DLGAP2: variants seen among roughly 807,000 people sequenced by gnomAD.
The protein encoded by DLGAP2 is DLG associated protein 2.
In DLGAP2, 26 loss-of-function variants were observed where a neutral mutation model predicts 100.3. The ratio of observed to expected loss-of-function variants is 0.26; its 90% CI spans 0.19 to 0.36. DLGAP2 has a LOEUF of 0.36. Ranked by LOEUF, DLGAP2 falls within the 10% of genes least tolerant of loss-of-function variation. The pLI is 1.00. For synonymous variants in DLGAP2, 886 were observed against 630.1 expected (o/e 1.41, Z -6.08); for missense variants, 1,858 against 1,453.2 (o/e 1.28, Z -4.53).
intron 2 of DLGAP2, among the ~76,000 whole-genome samples, chr8:1,223,536 C>T (rs1585166147): frequency 1.3e-5 from 2 of 152,316 alleles, no homozygotes; most frequent in East Asian, 3.9e-4. Context: ...AGAAGGGCTG[C>T]TTGAAAGAAT....
At chr8:1,091,650 A>G (rs1175915904) in intron 2 of DLGAP2, among the ~76,000 whole-genome samples, 1 of 152,150 alleles carries the variant, frequency 6.6e-6, no homozygotes, top group Non-Finnish European at 1.5e-5. Flanking sequence ...GACCTGCATC[A>G]TGATGCCGGA....
chr8:1,600,281 C>G (rs1167524113), intron 6 of DLGAP2, among the ~76,000 whole-genome samples: 2 of 152,090 alleles, frequency 1.3e-5, no homozygotes, highest in Non-Finnish European at 2.9e-5. Flanking sequence ...GTAACCTGAC[C>G]TTTCTCTCTG....
At chr8:1,163,595 C>T (rs554278348) in intron 2 of DLGAP2, among the ~76,000 whole-genome samples, 4 of 152,342 alleles carry the variant, frequency 2.6e-5, no homozygotes, top group East Asian at 3.9e-4. Flanking sequence ...GCCAAGAACG[C>T]GGTTGTGTAA....
chr8:1,120,251 G>A (rs1167072619), intron 2 of DLGAP2, among the ~76,000 whole-genome samples: 1 of 152,134 alleles, frequency 6.6e-6, no homozygotes. Context: ...CAGACACGGA[G>A]GGGTCAAGCA....
At chr8:811,577 A>C (rs1563044198) in intron 1 of DLGAP2, among the ~76,000 whole-genome samples, 1 of 147,826 alleles carries the variant, frequency 6.8e-6, no homozygotes, top group Non-Finnish European at 1.5e-5. Context: ...GGGCCCTGCC[A>C]GGGCTCCTGC....
chr8:1,532,063 C>G (rs1338569403), intron 4 of DLGAP2, among the ~76,000 whole-genome samples: 2 of 152,178 alleles, frequency 1.3e-5, no homozygotes, highest in African/African-American at 4.8e-5. Flanking sequence ...TGGTTGCATT[C>G]TTTTGAGTTT....
chr8:904,915 G>A (rs1334490551), intron 1 of DLGAP2, among the ~76,000 whole-genome samples: 1 of 152,338 alleles, frequency 6.6e-6, no homozygotes, highest in South Asian at 2.1e-4. Context: ...CAGAGAGGAA[G>A]AAATAAACCT....
At chr8:1,353,491 T>C (rs1169653705) in intron 3 of DLGAP2, among the ~76,000 whole-genome samples, 1 of 152,228 alleles carries the variant, frequency 6.6e-6, no homozygotes, top group African/African-American at 2.4e-5. Context: ...CAGGCTCATC[T>C]AAGTGTTCTG....
intron 3 of DLGAP2, among the ~76,000 whole-genome samples, chr8:1,327,856 A>T (rs1430920862): frequency 1.3e-5 from 2 of 152,110 alleles, no homozygotes; most frequent in Non-Finnish European, 1.5e-5. Flanking sequence ...AAAAATAAAT[A>T]AATAAAATGA....
At chr8:878,619 G>T (rs1797727399) in intron 1 of DLGAP2, among the ~76,000 whole-genome samples, 1 of 152,154 alleles carries the variant, frequency 6.6e-6, no homozygotes. Context: ...GGTCCCCAGT[G>T]TAATGGTGTT....
At chr8:1,184,942 A>G (rs1797467314) in intron 2 of DLGAP2, among the ~76,000 whole-genome samples, 1 of 152,164 alleles carries the variant, frequency 6.6e-6, no homozygotes, top group African/African-American at 2.4e-5. Context: ...GGTGCAGAAG[A>G]GGCAGATTTC....
At chr8:1,229,086 C>G (rs1197843683) in intron 2 of DLGAP2, among the ~76,000 whole-genome samples, 1 of 152,044 alleles carries the variant, frequency 6.6e-6, no homozygotes, top group Non-Finnish European at 1.5e-5. Context: ...TTGTAGGATA[C>G]AAAATCAGCA....
chr8:1,375,408 C>G (rs1585313439), intron 3 of DLGAP2, among the ~76,000 whole-genome samples: 1 of 62,026 alleles, frequency 1.6e-5, no homozygotes, highest in Non-Finnish European at 3.0e-5. Context: ...CACCTCTCCA[C>G]GACCTCAGAA....
At chr8:748,950 T>C (rs1820720633) in intron 1 of DLGAP2, among the ~76,000 whole-genome samples, 2 of 152,276 alleles carry the variant, frequency 1.3e-5, no homozygotes, top group South Asian at 2.1e-4. Context: ...TTGCTCTCTC[T>C]GTATCTGGTG....
In DLGAP2 at chr8:1,521,168, G is replaced by C. The variant is rs943168903; in HGVS notation, c.172+19737G>C. Reference sequence around the variant, plus strand: ...GAATACTTGGGCGGCAGGTGATATGGGGCATCTGGTTTGCACACTTGTTTT... The same window carrying C: ...GAATACTTGGGCGGCAGGTGATATGCGGCATCTGGTTTGCACACTTGTTTT... On this transcript the variant is annotated intron_variant, in intron 4 of 14. Coordinates refer to ENST00000637795, the MANE Select transcript of DLGAP2 (RefSeq NM_001346810.2). 1.3e-4 allele frequency among the ~76,000 whole-genome samples: 19 copies of C among 145,564 alleles called. 1 individual carries two copies. The highest frequency in any genetic ancestry group is 3.9e-4 in the African/African-American group (15 of 38,838).
chr8:1,173,852 G>A (rs184448936), intron 2 of DLGAP2, among the ~76,000 whole-genome samples: 59 of 152,330 alleles, frequency 3.9e-4, no homozygotes, highest in South Asian at 2.1e-3. Flanking sequence ...GCAATGCGTC[G>A]CCCTGCTTCG....
At chr8:980,276 C>T (rs1208866256) in intron 2 of DLGAP2, among the ~76,000 whole-genome samples, 2 of 152,130 alleles carry the variant, frequency 1.3e-5, no homozygotes. Context: ...GCAGGGCCCA[C>T]CGTGTGGAAT....
At chr8:1,537,874 A>G (rs907216255) in intron 4 of DLGAP2, among the ~76,000 whole-genome samples, 2 of 152,252 alleles carry the variant, frequency 1.3e-5, no homozygotes, top group African/African-American at 2.4e-5. Context: ...AGCTAAATTT[A>G]GGTGGGAGAG....
At chr8:1,223,687 G>C (rs1798361124) in intron 2 of DLGAP2, among the ~76,000 whole-genome samples, 1 of 152,186 alleles carries the variant, frequency 6.6e-6, no homozygotes, top group Non-Finnish European at 1.5e-5. Context: ...AGCAAGACTT[G>C]TCTGCCACTG....
Sources: gnomAD v4.1 joint callset for allele counts (sites outside exome capture counted in the v4.1 genomes callset) on GRCh38, gnomAD v4.1.1 for gene constraint, MANE v1.5 for transcripts, NCBI Gene and HGNC (gene_info 2026-07-23, HGNC 2026-07-21) for gene names.